The following TCF12 variants were observed in gnomAD, a reference collection of about 807,000 sequenced individuals.
TCF12 encodes the protein DNA-binding protein HTF4.
Under a neutral mutation model 86.0 loss-of-function variants are expected in TCF12, and 45 were observed. The observed-to-expected ratio is 0.52, with a 90% CI of 0.41 to 0.67. The LOEUF is 0.67. TCF12 is among the 30% of genes least tolerant of loss of function. The pLI, the probability that TCF12 is intolerant of heterozygous loss-of-function variation, is 0.00. For synonymous variants in TCF12, 330 were observed against 299.6 expected, an observed-to-expected ratio of 1.10 and a Z score of -1.05; for missense variants, 881 against 859.9, an observed-to-expected ratio of 1.02 and a Z score of -0.31.
chr15:57,209,243 G>A (rs1171394094), intron 8 of TCF12, among the ~76,000 whole-genome samples: 1 of 152,078 alleles, frequency 6.6e-6, no homozygotes, highest in Non-Finnish European at 1.5e-5. Flanking sequence ...CTTTGTATAA[G>A]AAACTGAATT....
intron 6 of TCF12, among the ~76,000 whole-genome samples, chr15:57,180,789 A>G (rs1346216418): frequency 6.7e-6 from 1 of 149,396 alleles, no homozygotes; most frequent in Non-Finnish European, 1.5e-5. Context: ...AATTTTAATC[A>G]TAAAATGATG....
chr15:57,248,675 A>T (rs1220617092), intron 13 of TCF12, among the ~76,000 whole-genome samples: 1 of 152,254 alleles, frequency 6.6e-6, no homozygotes, highest in African/African-American at 2.4e-5. Context: ...TGACTTCAGC[A>T]TGCTTTAACA....
chr15:57,219,291 A>G (rs368439440), intron 8 of TCF12: 3 of 1,213,642 alleles, frequency 2.5e-6, no homozygotes, highest in Non-Finnish European at 2.1e-6. Flanking sequence ...TCTTATTGGT[A>G]TCCTCCACCA....
At chr15:56,957,029 T>C (rs1449530910) in intron 3 of TCF12, among the ~76,000 whole-genome samples, 1 of 152,210 alleles carries the variant, frequency 6.6e-6, no homozygotes, top group African/African-American at 2.4e-5. Context: ...CTAATGCCAT[T>C]ATCATGGGAG....
At chr15:56,994,573 A>G (rs939309511) in intron 3 of TCF12, among the ~76,000 whole-genome samples, 20 of 152,128 alleles carry the variant, frequency 1.3e-4, no homozygotes, top group African/African-American at 3.4e-4. Context: ...GAAAGCAGCC[A>G]GAGGAAAATG....
intron 9 of TCF12, among the ~76,000 whole-genome samples, chr15:57,231,641 C>T (rs1405693591): frequency 6.6e-6 from 1 of 152,070 alleles, no homozygotes; most frequent in African/African-American, 2.4e-5. Flanking sequence ...TATCATAGAA[C>T]AGAGTAAGAC....
intron 3 of TCF12, among the ~76,000 whole-genome samples, chr15:57,048,051 C>T (rs1043752789): frequency 1.3e-4 from 20 of 152,108 alleles, no homozygotes; most frequent in African/African-American, 4.6e-4. Flanking sequence ...GTCATATATG[C>T]CTTCCATAGT....
chr15:57,250,327 C>T (rs1328864782), intron 13 of TCF12, among the ~76,000 whole-genome samples: 1 of 152,146 alleles, frequency 6.6e-6, no homozygotes, highest in African/African-American at 2.4e-5. Context: ...AAACATCCTT[C>T]CCCCTGGGGG....
chr15:57,124,979 T>C (rs1459609703), intron 5 of TCF12, among the ~76,000 whole-genome samples: 3 of 152,170 alleles, frequency 2.0e-5, no homozygotes, highest in Non-Finnish European at 2.9e-5. Flanking sequence ...GCCAAAAATA[T>C]TTATTTTTTC....
intron 3 of TCF12, among the ~76,000 whole-genome samples, chr15:57,006,904 A>AG (rs2064412615): frequency 6.6e-6 from 1 of 152,182 alleles, no homozygotes; most frequent in East Asian, 1.9e-4. Flanking sequence ...TGACAGAGTG[A>AG]GACCTCATCT....
chr15:57,036,406 C>CT (rs1217033965), intron 3 of TCF12, among the ~76,000 whole-genome samples: 9 of 152,134 alleles, frequency 5.9e-5, no homozygotes, highest in African/African-American at 1.7e-4. Context: ...TGTAATAACT[C>CT]TAAGATTTTG....
chr15:57,071,942 G>A (rs1441261612), intron 4 of TCF12, among the ~76,000 whole-genome samples: 1 of 152,148 alleles, frequency 6.6e-6, no homozygotes, highest in Non-Finnish European at 1.5e-5. Context: ...TACTTTGTGG[G>A]AAAATAGTAC....
At chr15:57,023,085 A>C (rs1351899559) in intron 3 of TCF12, among the ~76,000 whole-genome samples, 3 of 152,138 alleles carry the variant, frequency 2.0e-5, no homozygotes, top group Non-Finnish European at 2.9e-5. Flanking sequence ...GGAATTTTAA[A>C]TTTTTGTTTT....
At chr15:57,155,476 G>T (rs2054050585) in intron 5 of TCF12, among the ~76,000 whole-genome samples, 1 of 152,066 alleles carries the variant, frequency 6.6e-6, no homozygotes, top group Admixed American at 6.6e-5. Context: ...GTCATATTTT[G>T]TCCTCATGTA....
At chr15:57,109,349 G>C (rs945618915) in intron 5 of TCF12, 1 of 152,062 alleles carries the variant, frequency 6.6e-6, no homozygotes, top group African/African-American at 2.4e-5. Context: ...AAGGGAATGA[G>C]ACATCCGGTC....
intron 8 of TCF12, among the ~76,000 whole-genome samples, chr15:57,214,690 A>G (rs1260490509): frequency 6.6e-6 from 1 of 152,228 alleles, no homozygotes; most frequent in Non-Finnish European, 1.5e-5. Context: ...ATGTGTTGAT[A>G]TCCAAATAAG....
In TCF12 at chr15:57,200,123, C is replaced by T. The variant is rs113734865; in HGVS notation, c.579+2298C>T. On this transcript the variant is annotated intron_variant, in intron 8 of 20. Coordinates refer to ENST00000333725, the MANE Select transcript of TCF12 (RefSeq NM_207037.2). ...TCTTGAACTCCTGGGCTCTGTGCTTCTCCTGCCACAGCCTCTCAAAGTGCT... is the reference window on the plus strand; with the variant it reads ...TCTTGAACTCCTGGGCTCTGTGCTTTTCCTGCCACAGCCTCTCAAAGTGCT... Among the ~76,000 whole-genome samples, 133 of 148,470 alleles carry T rather than the reference C, an allele frequency of 9.0e-4. 4 individuals are homozygous for T. Among genetic ancestry groups the T allele is most frequent in the African/African-American group, 3.3e-3 (131 of 40,072 alleles).
At chr15:57,167,482 G>T (rs1386172272) in intron 6 of TCF12, among the ~76,000 whole-genome samples, 1 of 151,920 alleles carries the variant, frequency 6.6e-6, no homozygotes, top group African/African-American at 2.4e-5. Flanking sequence ...GATCACTTGA[G>T]CCCAGGAGTT....
chr15:56,977,897 C>T lies in TCF12; in HGVS notation c.148+56799C>T, dbSNP rs1209139678. Among the ~76,000 whole-genome samples the T allele has an allele frequency of 2.6e-5, 4 of 152,256 alleles. No individual in the cohort carries two copies. In the South Asian group the frequency reaches 6.2e-4, roughly 24 times the overall value. On this transcript the variant is annotated intron_variant, in intron 3 of 20. Transcript: ENST00000333725. ...CTTCATCCTCAGAGTTTTCAACTTA[C>T]TGGCTTGGAGATAGGGCAGACAGAA...
Sources: gnomAD v4.1 joint callset for allele counts (sites outside exome capture counted in the v4.1 genomes callset) on GRCh38, gnomAD v4.1.1 for gene constraint, MANE v1.5 for transcripts, NCBI Gene and HGNC (gene_info 2026-07-23, HGNC 2026-07-21) for gene names.